Variants in C2orf78 observed in about 807,000 individuals in gnomAD.
The protein encoded by C2orf78 is chromosome 2 open reading frame 78.
C2orf78 carries 12 observed loss-of-function variants against 21.4 expected under a neutral mutation model. The ratio of observed to expected loss-of-function variants is 0.56; its 90% CI spans 0.36 to 0.91. The LOEUF (loss-of-function observed/expected upper bound fraction) is 0.91. Ranked by LOEUF, C2orf78 falls within the 40% of genes least tolerant of loss-of-function variation. C2orf78 has a pLI of 0.01. For synonymous variants in C2orf78, 396 were observed against 413.9 expected (o/e 0.96, Z 0.52); for missense variants, 1,042 against 1,092.4 (o/e 0.95, Z 0.65).
At chr2:73,814,639 T>C (rs958151981) in intron 2 of C2orf78, among the ~76,000 whole-genome samples, 1 of 152,146 alleles carries the variant, frequency 6.6e-6, no homozygotes, top group African/African-American at 2.4e-5. Context: ...TGTTCAGAGA[T>C]CCTCTCCAAA....
exon 1 of C2orf78, chr2:73,784,234 C>G (rs1672878242): frequency 6.6e-7 from 1 of 1,511,728 alleles, no homozygotes; most frequent in Admixed American, 2.0e-5. Context: ...GTTTCCTGGG[C>G]GTGGCCTGTA....
At position 73,814,165 on chromosome 2, in the gene C2orf78, C is replaced by T. The variant is rs138330475; in HGVS notation, c.786C>T (p.Val262=). 9.1e-4 allele frequency: 1,466 copies of T among 1,608,788 alleles called. 12 individuals are homozygous for T. The African/African-American group carries it at 0.017, about 18-fold the overall frequency. The change falls in exon 2 of 3, where the codon GTC becomes GTT. Residue 262 remains valine, a synonymous_variant. Transcript: ENST00000409561. ...AGCCCACAAATGTCCTACCACCAGTCTCTACTTCTGGGATGTATTACTCTG... is the reference window on the plus strand; with the variant it reads ...AGCCCACAAATGTCCTACCACCAGTTTCTACTTCTGGGATGTATTACTCTG...
At chr2:73,815,590 T>A in exon 3 of C2orf78, 1 of 1,614,004 alleles carries the variant, frequency 6.2e-7, no homozygotes, top group Non-Finnish European at 8.5e-7. Flanking sequence ...CTCCCCCCGA[T>A]CTTCAGTTCC....
At chr2:73,810,536 AAT>A (rs35269780) in intron 1 of C2orf78, among the ~76,000 whole-genome samples, 82,981 of 135,300 alleles carry the variant, frequency 0.61, 25,815 homozygotes, top group Middle Eastern at 0.71. Context: ...TCAAAAAGAA[AAT>A]ATATATATAT....
intron 1 of C2orf78, among the ~76,000 whole-genome samples, chr2:73,811,252 C>T (rs1315497707): frequency 1.3e-5 from 2 of 151,950 alleles, no homozygotes; most frequent in Non-Finnish European, 2.9e-5. Context: ...GATCTTGCCA[C>T]TGCACTCCAG....
exon 2 of C2orf78, chr2:73,814,091 A>G (rs1673144698): frequency 6.2e-7 from 1 of 1,613,360 alleles, no homozygotes. Flanking sequence ...CACAGGATAT[A>G]GGGCTTCTGC....
At chr2:73,810,690 A>G (rs1242654827) in intron 1 of C2orf78, among the ~76,000 whole-genome samples, 2 of 133,614 alleles carry the variant, frequency 1.5e-5, no homozygotes, top group African/African-American at 2.8e-5. Flanking sequence ...ATATACATAT[A>G]TATTTTATAT....
chr2:73,786,037 A>T (rs1297096207), intron 1 of C2orf78, among the ~76,000 whole-genome samples: 1 of 151,194 alleles, frequency 6.6e-6, no homozygotes, highest in African/African-American at 2.4e-5. Context: ...TAAGAGGGAA[A>T]CTCCGCTTCA....
intron 1 of C2orf78, among the ~76,000 whole-genome samples, chr2:73,786,497 A>AATGT (rs1310159199): frequency 1.0e-5 from 1 of 99,968 alleles, no homozygotes; most frequent in Non-Finnish European, 2.0e-5. Context: ...GTCCACACGT[A>AATGT]AATCATTAGC....
exon 2 of C2orf78, chr2:73,814,144 C>A: frequency 6.2e-7 from 1 of 1,611,440 alleles, no homozygotes; most frequent in Non-Finnish European, 8.5e-7. Flanking sequence ...AGGTTCAGCC[C>A]ACAAATGTCC....
chr2:73,808,706 G>C, intron 1 of C2orf78: 1 of 1,512,668 alleles, frequency 6.6e-7, no homozygotes. Context: ...CTGCCACCTG[G>C]TAGAATCTTG....
chr2:73,806,988 C>G (rs202084119), intron 1 of C2orf78, among the ~76,000 whole-genome samples: 3,939 of 137,070 alleles, frequency 0.029, 299 homozygotes, highest in African/African-American at 0.11. Context: ...AGACCATCCT[C>G]GCTGACACGG....
At chr2:73,786,231 T>G (rs1341500621) in intron 1 of C2orf78, among the ~76,000 whole-genome samples, 15 of 151,580 alleles carry the variant, frequency 9.9e-5, no homozygotes, top group Non-Finnish European at 2.2e-4. Context: ...AATATAAGAA[T>G]TAGCTGGGTG....
chr2:73,811,834 T>C (rs1673096476), intron 1 of C2orf78, among the ~76,000 whole-genome samples: 1 of 152,206 alleles, frequency 6.6e-6, no homozygotes, highest in Non-Finnish European at 1.5e-5. Context: ...CTGCTTGTTA[T>C]GTGGCTACAA....
At chr2:73,810,345 T>C (rs1015142376) in intron 1 of C2orf78, among the ~76,000 whole-genome samples, 57 of 151,746 alleles carry the variant, frequency 3.8e-4, no homozygotes, top group Admixed American at 3.9e-4. Context: ...CTGACCAACA[T>C]GGAGAAACCC....
chr2:73,816,633 G>C (rs764631298), exon 3 of C2orf78: 1 of 1,613,672 alleles, frequency 6.2e-7, no homozygotes, highest in Non-Finnish European at 8.5e-7. Context: ...CCAGCCTACT[G>C]TCCCTCAATC....
chr2:73,815,718 G>C (rs752108274), exon 3 of C2orf78: 9 of 1,613,682 alleles, frequency 5.6e-6, no homozygotes, highest in East Asian at 4.5e-5. Flanking sequence ...CTCTGATCAA[G>C]TCAGGAAGAA....
intron 1 of C2orf78, chr2:73,808,829 C>T: frequency 7.3e-7 from 1 of 1,368,742 alleles, no homozygotes; most frequent in Non-Finnish European, 1.0e-6. Flanking sequence ...TTCAGCCACC[C>T]AGACATCCGC....
At position 73,816,794 on chromosome 2, in the gene C2orf78, G is replaced by A; in HGVS notation, c.2571G>A (p.Trp857Ter). The stretch of plus-strand genomic sequence containing the variant: ...ACTTCAGCCTCCAACCCCGTCCATG[G>A]AGGAAACCCACTGTTCCTGAGCCAG... Residue 857 changes from tryptophan (W) to a stop codon, truncating the protein, a stop_gained, in exon 3 of 3, where the codon TGG (tryptophan) becomes TGA (stop). Transcript: ENST00000409561. LOFTEE classifies it low-confidence loss of function (END_TRUNC). The A allele has an allele frequency of 1.2e-6, 2 of 1,613,964 alleles. No homozygotes were observed. Among genetic ancestry groups the A allele is most frequent in the Non-Finnish European group, 1.7e-6 (2 of 1,179,898 alleles).
Sources: gnomAD v4.1 joint callset for allele counts (sites outside exome capture counted in the v4.1 genomes callset) on GRCh38, gnomAD v4.1.1 for gene constraint, MANE v1.5 for transcripts, NCBI Gene and HGNC (gene_info 2026-07-23, HGNC 2026-07-21) for gene names.